The following RXFP1 variants were observed in gnomAD, a reference collection of about 807,000 sequenced individuals.
RXFP1 encodes the protein relaxin receptor 1.
Under a neutral mutation model 89.8 loss-of-function variants are expected in RXFP1, and 73 were observed. The ratio of observed to expected loss-of-function variants is 0.81; its 90% CI spans 0.67 to 0.99. The LOEUF is 0.99. Ranked by LOEUF, RXFP1 falls within the 50% of genes least tolerant of loss-of-function variation. The probability of loss-of-function intolerance (pLI) is 0.00; values close to 1 mark genes in which losing one functional copy is unlikely to be tolerated. For missense variants in RXFP1, 793 were observed against 895.5 expected (o/e 0.89, Z 1.46); for synonymous variants, 277 against 305.5 (o/e 0.91, Z 0.97).
At chr4:158,579,906 G>C (rs1012624481) in intron 2 of RXFP1, among the ~76,000 whole-genome samples, 9 of 152,278 alleles carry the variant, frequency 5.9e-5, no homozygotes, top group African/African-American at 1.4e-4. Context: ...TTTATGTTAT[G>C]GTGAGTCAGG....
intron 4 of RXFP1, among the ~76,000 whole-genome samples, chr4:158,603,448 T>C (rs1456018138): frequency 2.6e-5 from 4 of 152,206 alleles, no homozygotes; most frequent in African/African-American, 9.6e-5. Context: ...GCCTTTGGTA[T>C]TATTTATGTA....
chr4:158,527,564 A>ATATATATATATATATAT (rs1553989393), intron 1 of RXFP1, among the ~76,000 whole-genome samples: 3 of 98,336 alleles, frequency 3.1e-5, no homozygotes, highest in African/African-American at 1.1e-4. Flanking sequence ...AAAAAAAAAA[A>ATATATATATATATATAT]ATATATATAT....
intron 5 of RXFP1, chr4:158,607,244 T>C: frequency 1.4e-6 from 1 of 739,658 alleles, no homozygotes; most frequent in South Asian, 1.5e-5. Context: ...TTTTCAGTAT[T>C]ACTTTAGTTA....
chr4:158,607,923 A>C lies in RXFP1; in HGVS notation c.465-49A>C, dbSNP rs773439477. ...CACAGAATTCTTTTTGTCTTGCAAA[A>C]GTGAAACTCTGCTTCATTTTTTTTT... On this transcript the variant is annotated intron_variant, in intron 5 of 17. Coordinates refer to ENST00000307765, the MANE Select transcript of RXFP1 (RefSeq NM_021634.4). The C allele has an allele frequency of 6.5e-5, 84 of 1,298,000 alleles. No individual in the cohort carries two copies. The East Asian group carries it at 1.9e-3, about 30-fold the overall frequency. The allele number at this position is 1,298,000 out of a possible 1,614,324, so 80.4% of individuals were successfully genotyped here.
intron 1 of RXFP1, among the ~76,000 whole-genome samples, chr4:158,537,622 A>G (rs1745583019): frequency 6.6e-6 from 1 of 152,176 alleles, no homozygotes; most frequent in Non-Finnish European, 1.5e-5. Context: ...CACACAGACA[A>G]TTATTCATTC....
At chr4:158,599,020 A>G (rs1382736892) in intron 3 of RXFP1, among the ~76,000 whole-genome samples, 2 of 150,924 alleles carry the variant, frequency 1.3e-5, no homozygotes, top group Non-Finnish European at 3.0e-5. Flanking sequence ...TTCATTGCAA[A>G]ATGAATGAAA....
rs961874696 is a variant in RXFP1, at chr4:158,613,473, T to C, written c.680+1111T>C. Among the ~76,000 whole-genome samples, 4 of 152,246 alleles carry C rather than the reference T, an allele frequency of 2.6e-5. No homozygotes were observed. In the East Asian group the frequency reaches 7.7e-4, roughly 29 times the overall value. On this transcript the variant is annotated intron_variant, in intron 8 of 17. Coordinates refer to ENST00000307765, the MANE Select transcript of RXFP1 (RefSeq NM_021634.4). ...AGTTTATGTAATATTCTAAATACTTTGTTGTCATTTCAACAGTGTTTACAG... is the reference window on the plus strand; with the variant it reads ...AGTTTATGTAATATTCTAAATACTTCGTTGTCATTTCAACAGTGTTTACAG...
At chr4:158,630,174 G>T (rs1360754120) in intron 11 of RXFP1, among the ~76,000 whole-genome samples, 1 of 152,110 alleles carries the variant, frequency 6.6e-6, no homozygotes, top group African/African-American at 2.4e-5. Context: ...CCTGCATTCT[G>T]CCCCAAAACA....
intron 9 of RXFP1, 88 bp from the exon 10 acceptor site, chr4:158,626,732 A>G: frequency 1.3e-6 from 1 of 772,260 alleles, no homozygotes; most frequent in Non-Finnish European, 2.1e-6. Flanking sequence ...TAAAGAAAAG[A>G]TATTTTATTA....
At chr4:158,615,673 G>C (rs1164890878) in intron 8 of RXFP1, among the ~76,000 whole-genome samples, 2 of 152,116 alleles carry the variant, frequency 1.3e-5, no homozygotes, top group Non-Finnish European at 2.9e-5. Context: ...GGCTGGGCAG[G>C]GTGGCTCACG....
intron 1 of RXFP1, among the ~76,000 whole-genome samples, chr4:158,556,113 A>G (rs1397466763): frequency 6.6e-6 from 1 of 152,180 alleles, no homozygotes; most frequent in Non-Finnish European, 1.5e-5. Flanking sequence ...TTTGCACAGC[A>G]AAGGAAACTA....
intron 14 of RXFP1, among the ~76,000 whole-genome samples, chr4:158,643,628 T>A (rs926480900): frequency 6.6e-6 from 1 of 151,670 alleles, no homozygotes. Flanking sequence ...TGCGCCACCA[T>A]GCCTGGCTAA....
At chr4:158,613,737 T>A (rs925469015) in intron 8 of RXFP1, among the ~76,000 whole-genome samples, 15 of 152,226 alleles carry the variant, frequency 9.9e-5, no homozygotes, top group African/African-American at 3.6e-4. Context: ...TCTTCCAAAC[T>A]CCTGTTAATG....
Position 158,526,041 on chromosome 4 carries a change from C to A in RXFP1, c.49+4016C>A, listed in dbSNP as rs575739159. Among the ~76,000 whole-genome samples, 6 of 152,332 alleles carry A rather than the reference C, an allele frequency of 3.9e-5. No homozygotes were observed. The East Asian group carries it at 1.2e-3, about 29-fold the overall frequency. ...ATCCATAAAGAAATATTAGCCAGCC[C>A]AAGGTCTCAGAGCTGGTAAATCCAG... On this transcript the variant is annotated intron_variant, in intron 1 of 17. Transcript: ENST00000307765.
intron 1 of RXFP1, among the ~76,000 whole-genome samples, chr4:158,554,942 G>T (rs1330023717): frequency 2.6e-5 from 4 of 151,956 alleles, no homozygotes; most frequent in African/African-American, 9.7e-5. Flanking sequence ...ATGTTGTAAA[G>T]CTTAAATAAA....
At chr4:158,621,613 A>G (rs1292614317) in intron 9 of RXFP1, among the ~76,000 whole-genome samples, 1 of 152,192 alleles carries the variant, frequency 6.6e-6, no homozygotes, top group African/African-American at 2.4e-5. Context: ...CACAAAAAAA[A>G]CCTGAGGTGA....
intron 2 of RXFP1, among the ~76,000 whole-genome samples, chr4:158,581,087 G>C (rs1032172514): frequency 6.6e-6 from 1 of 152,184 alleles, no homozygotes; most frequent in African/African-American, 2.4e-5. Flanking sequence ...ACCATACCCA[G>C]CCTGTGCATG....
Position 158,591,646 on chromosome 4 carries a change from G to T in RXFP1, c.188-1755G>T, listed in dbSNP as rs1296756790. On this transcript the variant is annotated intron_variant, in intron 2 of 17. Coordinates refer to ENST00000307765, the MANE Select transcript of RXFP1 (RefSeq NM_021634.4). ...CCCCTATAATCCCAGCTACTCAGGA[G>T]CCTGAGGGAGGAGGATCACTTGAGC... Among the ~76,000 whole-genome samples the T allele has an allele frequency of 3.3e-5, 5 of 151,916 alleles. No homozygotes were observed. The East Asian group carries it at 9.7e-4, about 29-fold the overall frequency.
chr4:158,630,542 G>A (rs534605151), intron 11 of RXFP1, among the ~76,000 whole-genome samples: 1 of 152,266 alleles, frequency 6.6e-6, no homozygotes, highest in South Asian at 2.1e-4. Context: ...GCAGTCAGGT[G>A]CAGATTTTAT....
Sources: allele counts gnomAD v4.1 joint callset (sites outside exome capture counted in the v4.1 genomes callset), GRCh38; gene constraint gnomAD v4.1.1; transcripts MANE v1.5; gene names NCBI Gene and HGNC (gene_info 2026-07-23, HGNC 2026-07-21).